Variants in IDE observed in about 807,000 individuals in gnomAD.
IDE encodes insulin degrading enzyme.
IDE carries 58 observed loss-of-function variants against 133.2 expected under a neutral mutation model. That is an observed-to-expected ratio of 0.44 (90% CI 0.35 to 0.54). The LOEUF (loss-of-function observed/expected upper bound fraction) is 0.54. IDE is among the 20% of genes least tolerant of loss of function. The probability of loss-of-function intolerance (pLI) is 0.00; values close to 1 mark genes in which losing one functional copy is unlikely to be tolerated. For missense variants in IDE, 981 were observed against 1,234.0 expected (o/e 0.79, Z 3.07); for synonymous variants, 396 against 421.3 (o/e 0.94, Z 0.73).
intron 11 of IDE, among the ~76,000 whole-genome samples, chr10:92,504,111 T>C (rs906955917): frequency 2.6e-5 from 4 of 152,112 alleles, no homozygotes; most frequent in Non-Finnish European, 5.9e-5. Context: ...AATAACCAAA[T>C]TGCCAGTAGA....
chr10:92,484,391 T>C (rs1225979280), intron 13 of IDE, among the ~76,000 whole-genome samples: 1 of 151,932 alleles, frequency 6.6e-6, no homozygotes, highest in African/African-American at 2.4e-5. Context: ...CACTCCAGCC[T>C]GGGCAACAGA....
intron 12 of IDE, among the ~76,000 whole-genome samples, chr10:92,488,817 G>A (rs1847173261): frequency 6.6e-6 from 1 of 150,858 alleles, no homozygotes; most frequent in Non-Finnish European, 1.5e-5. Flanking sequence ...TTTAGGTTGG[G>A]ATTCACACAA....
At chr10:92,469,648 T>G (rs904437808) in intron 18 of IDE, among the ~76,000 whole-genome samples, 1 of 152,072 alleles carries the variant, frequency 6.6e-6, no homozygotes, top group Admixed American at 6.6e-5. Context: ...AACTCTTGGG[T>G]TCAAGTAATC....
rs536750068 is a variant in IDE at position 92,497,601 on chromosome 10, T to A, written c.1431-7006A>T. Reference sequence around the variant, plus strand: ...TAAGGTTCCTTTCATTCTTAAGAGTTTCCTGTTTATTTCCCTACCTGGTTG... The same window carrying A: ...TAAGGTTCCTTTCATTCTTAAGAGTATCCTGTTTATTTCCCTACCTGGTTG... On this transcript the variant is annotated intron_variant, in intron 11 of 24. Transcript: ENST00000265986. The A allele has an allele frequency of 4.4e-5, 14 of 314,848 alleles. No homozygotes were observed. In the South Asian group the frequency reaches 1.5e-3, roughly 33 times the overall value. 19.5% of individuals were successfully genotyped at this position (314,848 alleles called of 1,614,324 possible).
At chr10:92,497,515 A>G (rs1018183501) in intron 11 of IDE, among the ~76,000 whole-genome samples, 1 of 152,210 alleles carries the variant, frequency 6.6e-6, no homozygotes, top group Non-Finnish European at 1.5e-5. Context: ...TCTTGGAACC[A>G]ATCCCCTGCG....
intron 11 of IDE, among the ~76,000 whole-genome samples, chr10:92,500,503 AAAG>A (rs1847949975): frequency 6.6e-6 from 1 of 152,212 alleles, no homozygotes. Flanking sequence ...TTAGGTATCG[AAAG>A]TAGTTAAACC....
chr10:92,520,502 C>T (rs1849164847), intron 4 of IDE, among the ~76,000 whole-genome samples: 1 of 152,026 alleles, frequency 6.6e-6, no homozygotes, highest in African/African-American at 2.4e-5. Context: ...TAGTTATAAC[C>T]CATTATAATT....
intron 1 of IDE, among the ~76,000 whole-genome samples, chr10:92,545,769 C>T (rs1217494008): frequency 2.6e-5 from 4 of 152,106 alleles, no homozygotes; most frequent in African/African-American, 9.7e-5. Flanking sequence ...ATGTATTTAC[C>T]AGAATGGCTA....
intron 10 of IDE, among the ~76,000 whole-genome samples, chr10:92,505,637 T>TA (rs960240432): frequency 3.3e-5 from 5 of 151,620 alleles, no homozygotes; most frequent in East Asian, 1.9e-4. Context: ...ATGAAAACAA[T>TA]AAAAAAAGGG....
At chr10:92,501,362 T>TAA (rs55861862) in intron 11 of IDE, among the ~76,000 whole-genome samples, 446 of 19,236 alleles carry the variant, frequency 0.023, 117 homozygotes, top group African/African-American at 0.1. Flanking sequence ...ACTCTGTCAT[T>TAA]AAAAAAAAAA....
rs1030237188 is a variant in IDE, at chr10:92,534,029, A to G, written c.491+549T>C. Among the ~76,000 whole-genome samples, 2 of 152,218 alleles carry G rather than the reference A, an allele frequency of 1.3e-5. 1 individual carries two copies. Among genetic ancestry groups the G allele is most frequent in the African/African-American group, 4.8e-5 (2 of 41,464 alleles). Reference sequence around the variant, plus strand: ...CAAGTGCGAAACTCCGTCTGAAAAAAAAAAAAAAATTGACCAAGAAATTAA... The same window carrying G: ...CAAGTGCGAAACTCCGTCTGAAAAAGAAAAAAAAATTGACCAAGAAATTAA... On this transcript the variant is annotated intron_variant, in intron 3 of 24. Coordinates refer to ENST00000265986, the MANE Select transcript of IDE (RefSeq NM_004969.4).
chr10:92,501,187 C>G (rs942105611), intron 11 of IDE, among the ~76,000 whole-genome samples: 1 of 148,832 alleles, frequency 6.7e-6, no homozygotes, highest in African/African-American at 2.5e-5. Context: ...TAGTGAGACT[C>G]TCTCTCTACA....
chr10:92,573,998 G>C lies in IDE; in HGVS notation c.22C>G (p.Leu8Val). 1 of 1,510,808 alleles carries C rather than the reference G, an allele frequency of 6.6e-7. No individual in the cohort carries two copies. Among genetic ancestry groups the C allele is most frequent in the Non-Finnish European group, 8.8e-7 (1 of 1,132,064 alleles). The allele number at this position is 1,510,808 out of a possible 1,614,324, so 93.6% of individuals were successfully genotyped here. The change falls in exon 1 of 25, where the codon CTT becomes GTT. Residue 8 changes from leucine (L) to valine (V), a missense_variant. Coordinates refer to ENST00000265986, the MANE Select transcript of IDE (RefSeq NM_004969.4). MRYRLAW[L>V]LHPALPSTFR... ...GTGCTGGGCAGTGCGGGGTGCAGAA[G>C]CCACGCTAGCCGGTACCGCATTAGC...
In IDE at chr10:92,452,973, T is replaced by C. The variant is rs963756342; in HGVS notation, c.*1471A>G. Reference sequence around the variant, plus strand: ...CCGCTTTTGAAAGCAGCCCCATAGTTGTGACTATATCGTTCTTGCCCAAAA... The same window carrying C: ...CCGCTTTTGAAAGCAGCCCCATAGTCGTGACTATATCGTTCTTGCCCAAAA... On this transcript the variant is annotated 3_prime_UTR_variant, in exon 25 of 25. Transcript: ENST00000265986. 1.7e-4 allele frequency: 26 copies of C among 152,234 alleles called. No homozygotes were observed. Among genetic ancestry groups the C allele is most frequent in the African/African-American group, 4.8e-4 (20 of 41,458 alleles). The allele number at this position is 152,234 out of a possible 1,614,324, so 9.4% of individuals were successfully genotyped here. A position where few individuals can be genotyped will look rare whatever the true frequency, so the allele number is the denominator to read the frequency against.
chr10:92,527,660 G>A (rs1452894423), intron 4 of IDE, among the ~76,000 whole-genome samples: 1 of 152,034 alleles, frequency 6.6e-6, no homozygotes, highest in Non-Finnish European at 1.5e-5. Flanking sequence ...ATATTTTACA[G>A]CTTTGTTAAA....
intron 13 of IDE, among the ~76,000 whole-genome samples, chr10:92,485,957 A>G (rs1167217468): frequency 2.0e-5 from 3 of 151,152 alleles, no homozygotes; most frequent in African/African-American, 7.4e-5. Flanking sequence ...AAATAAATAA[A>G]TAAGATAAGA....
At chr10:92,485,770 C>T (rs555735755) in intron 13 of IDE, among the ~76,000 whole-genome samples, 31 of 151,982 alleles carry the variant, frequency 2.0e-4, no homozygotes, top group Admixed American at 5.2e-4. Context: ...TAGCAAGATC[C>T]CATCTCTACA....
intron 5 of IDE, among the ~76,000 whole-genome samples, chr10:92,514,542 AGCGAT>A (rs1564639081): frequency 6.6e-6 from 1 of 152,034 alleles, no homozygotes; most frequent in East Asian, 1.9e-4. Context: ...CCTGGGCTCA[AGCGAT>A]CTTCAGCCTC....
rs1032416267 is a variant in IDE at position 92,573,989 on chromosome 10, G to A, written c.31C>T (p.Pro11Ser). MRYRLAWLLH[P>S]ALPSTFRSVL... Reference sequence around the variant, plus strand: ...GAGCGGAAGGTGCTGGGCAGTGCGGGGTGCAGAAGCCACGCTAGCCGGTAC... The same window carrying A: ...GAGCGGAAGGTGCTGGGCAGTGCGGAGTGCAGAAGCCACGCTAGCCGGTAC... Residue 11 changes from proline (P) to serine (S), a missense_variant, in exon 1 of 25, where the codon CCC becomes TCC. Transcript: ENST00000265986. 1.7e-5 allele frequency: 26 copies of A among 1,509,924 alleles called. No homozygotes were observed. Among genetic ancestry groups the A allele is most frequent in the African/African-American group, 2.9e-5 (2 of 69,222 alleles). 93.5% of individuals were successfully genotyped at this position (1,509,924 alleles called of 1,614,324 possible).
Sources: allele counts gnomAD v4.1 joint callset (sites outside exome capture counted in the v4.1 genomes callset), GRCh38; gene constraint gnomAD v4.1.1; transcripts MANE v1.5; gene names NCBI Gene and HGNC (gene_info 2026-07-23, HGNC 2026-07-21).